The following MCTP2 variants were observed in gnomAD, a reference collection of about 807,000 sequenced individuals.
The protein encoded by MCTP2 is multiple C2 and transmembrane domain-containing protein 2.
MCTP2 carries 132 observed loss-of-function variants against 111.6 expected under a neutral mutation model. That is an observed-to-expected ratio of 1.18 (90% CI 1.03 to 1.37). The LOEUF (loss-of-function observed/expected upper bound fraction) is 1.37. Among genes scored for constraint, MCTP2 ranks in the 40% most tolerant of loss-of-function variants. The pLI is 0.00. For synonymous variants in MCTP2, 395 were observed against 387.7 expected, an observed-to-expected ratio of 1.02 and a Z score of -0.22; for missense variants, 1,183 against 1,067.9, an observed-to-expected ratio of 1.11 and a Z score of -1.50.
chr15:94,427,845 T>C (rs1357124417), intron 17 of MCTP2, among the ~76,000 whole-genome samples: 2 of 152,196 alleles, frequency 1.3e-5, no homozygotes, highest in Non-Finnish European at 2.9e-5. Flanking sequence ...TTAAGCAGAT[T>C]TCACAGCTTT....
intron 17 of MCTP2, among the ~76,000 whole-genome samples, chr15:94,427,385 T>G (rs1266770225): frequency 2.0e-5 from 3 of 152,172 alleles, no homozygotes; most frequent in Non-Finnish European, 2.9e-5. Context: ...CTCACACTTC[T>G]GCAGACTTAA....
At position 94,367,787 on chromosome 15, in the gene MCTP2, G is replaced by C. The variant is rs140445827; in HGVS notation, c.1484G>C (p.Arg495Pro). Residue 495 changes from arginine to proline, a missense_variant, in exon 11 of 23, where the codon CGA becomes CCA. Arg to Pro is a moderately radical substitution (Grantham distance 103). Coordinates refer to ENST00000357742, the MANE Select transcript of MCTP2 (RefSeq NM_001385001.1). ...DLSERKQITQ[R>P]YCLQNSLKDV... Reference sequence around the variant, plus strand: ...AGCGAAAGAAAGCAGATTACCCAGCGATATGTGAGTGTTTTTCCTTATTGT... The same window carrying C: ...AGCGAAAGAAAGCAGATTACCCAGCCATATGTGAGTGTTTTTCCTTATTGT... The C allele has an allele frequency of 6.3e-6, 10 of 1,597,390 alleles. No individual in the cohort carries two copies. The highest frequency in any genetic ancestry group is 8.5e-6 in the Non-Finnish European group (10 of 1,173,382).
chr15:94,403,627 A>G (rs1395481608), intron 17 of MCTP2, among the ~76,000 whole-genome samples: 1 of 152,228 alleles, frequency 6.6e-6, no homozygotes, highest in Non-Finnish European at 1.5e-5. Context: ...AAAGATTAGA[A>G]CAGATGAATA....
intron 4 of MCTP2, among the ~76,000 whole-genome samples, chr15:94,325,756 A>G (rs562949506): frequency 1.5e-4 from 23 of 151,294 alleles, no homozygotes; most frequent in African/African-American, 5.4e-4. Context: ...GGTGTTGACG[A>G]AGGCACACCA....
At position 94,482,062 on chromosome 15, in the gene MCTP2, C is replaced by T. The variant is rs145122572; in HGVS notation, c.*3028C>T. 3.9e-5 allele frequency: 6 copies of T among 152,264 alleles called. No homozygotes were observed. In the East Asian group the frequency reaches 1.2e-3, roughly 29 times the overall value. The allele number at this position is 152,264 out of a possible 1,614,324, so 9.4% of individuals were successfully genotyped here. A position where few individuals can be genotyped will look rare whatever the true frequency, so the allele number is the denominator to read the frequency against. ...TAATGTTTATTTCTAGGTGGTAAAA[C>T]AATCTTCTGGATTCTTTTTTCTTTA... On this transcript the variant is annotated 3_prime_UTR_variant, in exon 23 of 23. Transcript: ENST00000357742.
chr15:94,367,146 C>T (rs1484489634), intron 10 of MCTP2, among the ~76,000 whole-genome samples: 1 of 151,942 alleles, frequency 6.6e-6, no homozygotes, highest in East Asian at 1.9e-4. Flanking sequence ...AACGATTTCT[C>T]CATTAACCCT....
rs2079264212 is a variant in MCTP2, at chr15:94,367,642, G to C, written c.1339G>C (p.Ala447Pro). The change falls in exon 11 of 23, where the codon GCC becomes CCC. Residue 447 changes from alanine to proline, a missense_variant. Coordinates refer to ENST00000357742, the MANE Select transcript of MCTP2 (RefSeq NM_001385001.1). Reference protein sequence around the residue: ...VDISALPLKQANCLELPLDSC... With the variant: ...VDISALPLKQPNCLELPLDSC... ...TATCTCGGCACTCCCTCTGAAGCAAGCCAACTGCCTGGAGCTGCCACTGGA... is the reference window on the plus strand; with the variant it reads ...TATCTCGGCACTCCCTCTGAAGCAACCCAACTGCCTGGAGCTGCCACTGGA... 6.2e-7 allele frequency: 1 copy of C among 1,610,548 alleles called. No individual in the cohort carries two copies. The highest frequency in any genetic ancestry group is 1.7e-5 in the Admixed American group (1 of 59,616).
intron 8 of MCTP2, among the ~76,000 whole-genome samples, chr15:94,355,732 T>C (rs1332692771): frequency 6.6e-6 from 1 of 152,246 alleles, no homozygotes; most frequent in Admixed American, 6.5e-5. Context: ...TCATTATTTC[T>C]GAATGCCCAG....
chr15:94,282,444 C>T (rs751061763), intron 1 of MCTP2, among the ~76,000 whole-genome samples: 24 of 152,218 alleles, frequency 1.6e-4, no homozygotes, highest in African/African-American at 5.1e-4. Flanking sequence ...GCTCCTGGGC[C>T]GTTTTACTGT....
At chr15:94,467,405 G>T (rs1567773778) in intron 20 of MCTP2, among the ~76,000 whole-genome samples, 1 of 70,828 alleles carries the variant, frequency 1.4e-5, no homozygotes, top group Non-Finnish European at 3.1e-5. Flanking sequence ...TGATATAGTT[G>T]TTACTTACTT....
At chr15:94,242,141 C>T (rs543344036) in intron 1 of MCTP2, among the ~76,000 whole-genome samples, 2 of 152,188 alleles carry the variant, frequency 1.3e-5, no homozygotes, top group African/African-American at 2.4e-5. Flanking sequence ...TAATGAAGGC[C>T]TATGCTATGG....
chr15:94,367,011 C>A (rs757639670), intron 10 of MCTP2, among the ~76,000 whole-genome samples: 2 of 152,216 alleles, frequency 1.3e-5, no homozygotes, highest in Non-Finnish European at 2.9e-5. Context: ...ATCAACAGCA[C>A]TTCATGCTCC....
intron 4 of MCTP2, among the ~76,000 whole-genome samples, chr15:94,336,885 T>C (rs1596393549): frequency 6.6e-6 from 1 of 152,004 alleles, no homozygotes; most frequent in Non-Finnish European, 1.5e-5. Context: ...CATGGCAGAA[T>C]TGGTGACGGC....
At chr15:94,347,339 G>C (rs1398699270) in intron 8 of MCTP2, among the ~76,000 whole-genome samples, 1 of 152,142 alleles carries the variant, frequency 6.6e-6, no homozygotes, top group Admixed American at 6.5e-5. Flanking sequence ...ACATAAAGAA[G>C]ATTACTTAGC....
intron 20 of MCTP2, among the ~76,000 whole-genome samples, chr15:94,466,544 C>T (rs2073327492): frequency 6.6e-6 from 1 of 152,086 alleles, no homozygotes; most frequent in African/African-American, 2.4e-5. Flanking sequence ...TACAATGTGT[C>T]CCTCCTTCCT....
At chr15:94,319,568 C>A (rs2076534476) in intron 4 of MCTP2, among the ~76,000 whole-genome samples, 1 of 152,184 alleles carries the variant, frequency 6.6e-6, no homozygotes, top group Admixed American at 6.5e-5. Context: ...GGCCCAGGAA[C>A]CACACTTGGA....
At chr15:94,242,297 A>G (rs991668315) in intron 1 of MCTP2, among the ~76,000 whole-genome samples, 4 of 152,154 alleles carry the variant, frequency 2.6e-5, no homozygotes, top group African/African-American at 7.2e-5. Context: ...TGGAGATGAA[A>G]ATACTTTGAG....
At chr15:94,278,796 C>T (rs74324598) in intron 1 of MCTP2, among the ~76,000 whole-genome samples, 3,377 of 152,174 alleles carry the variant, frequency 0.022, 118 homozygotes, top group African/African-American at 0.076. Context: ...CAGTGTTTAG[C>T]TCCTATTTAT....
In MCTP2 at chr15:94,440,407, G is replaced by T. The variant is rs1222349403; in HGVS notation, c.2208+109G>T. Reference sequence around the variant, plus strand: ...AAGTCCATTTCGTTTGAGGTGTAAGGAGCAGCCCTGCAAAGGCACTCATTT... The same window carrying T: ...AAGTCCATTTCGTTTGAGGTGTAAGTAGCAGCCCTGCAAAGGCACTCATTT... On this transcript the variant is annotated intron_variant, in intron 18 of 22. Coordinates refer to ENST00000357742, the MANE Select transcript of MCTP2 (RefSeq NM_001385001.1). 5.0e-6 allele frequency: 7 copies of T among 1,390,240 alleles called. No homozygotes were observed. In the Admixed American group the frequency reaches 1.1e-4, roughly 23 times the overall value. 86.1% of individuals were successfully genotyped at this position (1,390,240 alleles called of 1,614,324 possible).
Sources: allele counts gnomAD v4.1 joint callset (sites outside exome capture counted in the v4.1 genomes callset), GRCh38; gene constraint gnomAD v4.1.1; transcripts MANE v1.5; gene names NCBI Gene and HGNC (gene_info 2026-07-23, HGNC 2026-07-21).